The following CSMD3 variants were observed in gnomAD, a reference collection of about 807,000 sequenced individuals.
CSMD3 encodes CUB and Sushi multiple domains 3, also known as CUB and sushi domain-containing protein 3.
CSMD3 carries 177 observed loss-of-function variants against 435.2 expected under a neutral mutation model. The ratio of observed to expected loss-of-function variants is 0.41; its 90% CI spans 0.36 to 0.46. The LOEUF is 0.46. Among genes scored for constraint, CSMD3 ranks in the 20% least tolerant of loss-of-function variants. The pLI is 0.34. For missense variants in CSMD3, 4,265 were observed against 4,504.6 expected (o/e 0.95, Z 1.52); for synonymous variants, 1,656 against 1,520.5 (o/e 1.09, Z -2.07).
intron 7 of CSMD3, among the ~76,000 whole-genome samples, chr8:112,969,821 G>T (rs1258959304): frequency 6.6e-6 from 1 of 151,866 alleles, no homozygotes; most frequent in Non-Finnish European, 1.5e-5. Flanking sequence ...AAGTCTCCAA[G>T]AAAAGTAATG....
At chr8:112,940,017 C>T (rs2083402402) in intron 9 of CSMD3, among the ~76,000 whole-genome samples, 1 of 151,796 alleles carries the variant, frequency 6.6e-6, no homozygotes, top group African/African-American at 2.4e-5. Flanking sequence ...TTGGAAGCTT[C>T]TATATACTAA....
intron 4 of CSMD3, among the ~76,000 whole-genome samples, chr8:113,125,701 A>C (rs1269788049): frequency 2.0e-5 from 3 of 151,928 alleles, no homozygotes; most frequent in African/African-American, 7.2e-5. Flanking sequence ...CTAAATAAAG[A>C]AAGTGTTTAA....
At chr8:113,192,966 CT>C (rs2092606549) in intron 3 of CSMD3, among the ~76,000 whole-genome samples, 1 of 151,536 alleles carries the variant, frequency 6.6e-6, no homozygotes, top group Non-Finnish European at 1.5e-5. Flanking sequence ...TACATTTGTA[CT>C]TTACTGTGTA....
At position 112,337,586 on chromosome 8, in the gene CSMD3, G is replaced by T. The variant is rs758261887; in HGVS notation, c.6798C>A (p.His2266Gln). 4 of 1,613,770 alleles carry T rather than the reference G, an allele frequency of 2.5e-6. No individual in the cohort carries two copies. Among genetic ancestry groups the T allele is most frequent in the Non-Finnish European group, 3.4e-6 (4 of 1,179,764 alleles). The change falls in exon 43 of 71, where the codon CAC becomes CAA. Residue 2266 changes from histidine (H) to glutamine (Q), a missense_variant. His to Gln is a conservative substitution (Grantham distance 24). Transcript: ENST00000297405. Reference sequence around the variant, plus strand: ...GATGATTCCAATTACGACTGACTCCGTGAAGGCATGTGAGAGCTGAATTTC... The same window carrying T: ...GATGATTCCAATTACGACTGACTCCTTGAAGGCATGTGAGAGCTGAATTTC... ...LIGNSALTCL[H>Q]GVSRNWNHPL... is the part of the protein sequence containing the mutation.
intron 9 of CSMD3, among the ~76,000 whole-genome samples, chr8:112,944,931 T>A (rs1034858403): frequency 6.6e-6 from 1 of 151,756 alleles, no homozygotes; most frequent in Non-Finnish European, 1.5e-5. Flanking sequence ...AAATGATGTT[T>A]AACATTTTTA....
chr8:112,700,066 G>A (rs1318064287), intron 13 of CSMD3, among the ~76,000 whole-genome samples: 1 of 152,064 alleles, frequency 6.6e-6, no homozygotes, highest in Non-Finnish European at 1.5e-5. Context: ...GTTGTTTTGT[G>A]GTTACATAAA....
At chr8:112,621,743 C>T (rs935022621) in intron 22 of CSMD3, among the ~76,000 whole-genome samples, 1 of 152,166 alleles carries the variant, frequency 6.6e-6, no homozygotes, top group South Asian at 2.1e-4. Context: ...TCCCAGATTT[C>T]TCAACATTGC....
intron 7 of CSMD3, among the ~76,000 whole-genome samples, chr8:112,975,614 C>A (rs2084816747): frequency 6.6e-6 from 1 of 152,104 alleles, no homozygotes; most frequent in African/African-American, 2.4e-5. Context: ...CCCTCCCCCT[C>A]CAACATTTGC....
intron 5 of CSMD3, among the ~76,000 whole-genome samples, chr8:113,023,904 T>C (rs1399378053): frequency 6.6e-6 from 1 of 152,154 alleles, no homozygotes; most frequent in Non-Finnish European, 1.5e-5. Flanking sequence ...ACCTCAAACA[T>C]TTATGATTTC....
At chr8:112,972,947 T>C (rs535928957) in intron 7 of CSMD3, among the ~76,000 whole-genome samples, 2 of 152,070 alleles carry the variant, frequency 1.3e-5, no homozygotes, top group East Asian at 1.9e-4. Context: ...TCTTGGAAAT[T>C]AGAATTATGT....
At chr8:112,636,591 G>A (rs564642485) in intron 22 of CSMD3, among the ~76,000 whole-genome samples, 1 of 146,948 alleles carries the variant, frequency 6.8e-6, no homozygotes, top group Non-Finnish European at 1.5e-5. Flanking sequence ...TATCTAATTT[G>A]TTTCTTATCC....
In CSMD3 at chr8:112,492,558, A is replaced by T. The variant is rs1428233747; in HGVS notation, c.5209T>A (p.Ser1737Thr). The change falls in exon 31 of 71, where the codon TCA (serine) becomes ACA (threonine). Residue 1737 changes from serine (S) to threonine (T), a missense_variant. By Grantham distance (58) the Ser-to-Thr change is moderately conservative. This residue lies in a region of CSMD3 where 3,255 missense variants were observed against 3,380.2 expected (regional missense o/e 0.96). Coordinates refer to ENST00000297405, the MANE Select transcript of CSMD3 (RefSeq NM_198123.2). ...TCTCCCATGATACAGGTGAGTGTTG[A>T]ATAACCTTGAAGAACATAACCAGCA... ...CDAGYVLQGY[S>T]TLTCIMGDDG... is the part of the protein sequence containing the mutation. 6.2e-7 allele frequency: 1 copy of T among 1,613,942 alleles called. No individual in the cohort carries two copies. The highest frequency in any genetic ancestry group is 8.5e-7 in the Non-Finnish European group (1 of 1,179,834).
At chr8:112,415,203 C>T (rs1469846642) in intron 32 of CSMD3, among the ~76,000 whole-genome samples, 2 of 152,226 alleles carry the variant, frequency 1.3e-5, no homozygotes, top group African/African-American at 4.8e-5. Flanking sequence ...CCTGGGCTGG[C>T]TCAGGGCTCC....
chr8:113,260,872 G>A (rs1318625855), intron 3 of CSMD3, among the ~76,000 whole-genome samples: 1 of 152,050 alleles, frequency 6.6e-6, no homozygotes, highest in Non-Finnish European at 1.5e-5. Context: ...ATGGCTTCCA[G>A]CTTCATCCAT....
intron 3 of CSMD3, among the ~76,000 whole-genome samples, chr8:113,222,155 G>A (rs955629924): frequency 6.6e-6 from 1 of 150,882 alleles, no homozygotes; most frequent in Admixed American, 6.6e-5. Context: ...CAAAGGCTTT[G>A]GAAATTAGGT....
intron 4 of CSMD3, among the ~76,000 whole-genome samples, chr8:113,166,518 T>C (rs2092152615): frequency 6.6e-6 from 1 of 152,082 alleles, no homozygotes; most frequent in African/African-American, 2.4e-5. Context: ...AAAATAATAA[T>C]ACTAAGTGAA....
chr8:112,803,003 T>G (rs919922995), intron 12 of CSMD3, among the ~76,000 whole-genome samples: 1 of 152,132 alleles, frequency 6.6e-6, no homozygotes, highest in African/African-American at 2.4e-5. Context: ...ATCTCTGTCA[T>G]ATTTGGAATA....
In CSMD3 at chr8:113,436,709, AG is replaced by A; in HGVS notation, c.145del (p.Leu49SerfsTer5). 1 of 1,614,224 alleles carries A rather than the reference AG, an allele frequency of 6.2e-7. No homozygotes were observed. Among genetic ancestry groups the A allele is most frequent in the Non-Finnish European group, 8.5e-7 (1 of 1,180,046 alleles). On this transcript the variant is annotated frameshift_variant, in exon 1 of 71. Coordinates refer to ENST00000297405, the MANE Select transcript of CSMD3 (RefSeq NM_198123.2). LOFTEE classifies it high-confidence loss of function. ...GIKSGFTFWN[L>X]VFLLTVSCVK... ...ACAAGACACCGTCAATAAAAAGACG[AG>A]GTTCCAAAACGTAAATCCACTTTTA... is the stretch of plus-strand genomic sequence containing the variant.
intron 3 of CSMD3, among the ~76,000 whole-genome samples, chr8:113,210,880 A>C (rs968020369): frequency 4.3e-5 from 3 of 69,020 alleles, no homozygotes; most frequent in African/African-American, 2.1e-4. Flanking sequence ...CTCATTCTCA[A>C]AAAAAAAAAA....
Sources: allele counts gnomAD v4.1 joint callset (sites outside exome capture counted in the v4.1 genomes callset), GRCh38; gene constraint gnomAD v4.1.1; regional missense constraint gnomAD v4.1.1; transcripts MANE v1.5; gene names NCBI Gene and HGNC (gene_info 2026-07-23, HGNC 2026-07-21).